Variants in NPHP4 observed in about 807,000 individuals in gnomAD.
NPHP4 encodes the protein nephrocystin-4.
A neutral mutation model predicts 155.8 loss-of-function variants in NPHP4; 151 were observed. The ratio of observed to expected loss-of-function variants is 0.97; its 90% confidence interval spans 0.85 to 1.11. NPHP4 has a LOEUF of 1.11. Ranked by LOEUF, NPHP4 falls within the 50% of genes least tolerant of loss-of-function variation. The pLI is 0.00. For missense variants in NPHP4, 1,956 were observed against 1,925.7 expected (o/e 1.02, Z -0.29); for synonymous variants, 845 against 816.8 (o/e 1.03, Z -0.59).
rs1039353274 is a variant in NPHP4 at position 5,892,291 on chromosome 1, G to T, written c.2144-1263C>A. On this transcript the variant is annotated intron_variant, in intron 16 of 29. Transcript: ENST00000378156. This position sits in a 1 kb window ranked among gnomAD's most constrained non-coding sequence, Gnocchi z 4.5. ...CACTGGGGCTTGTCGGACAGTGGGT[G>T]AGAGTTGGGAGGCTGGTCAGAGGAG... Among the ~76,000 whole-genome samples the T allele has an allele frequency of 4.6e-5, 7 of 152,150 alleles. No homozygotes were observed. The highest frequency in any genetic ancestry group is 1.0e-4 in the Non-Finnish European group (7 of 68,014).
chr1:5,978,420 G>T lies in NPHP4; in HGVS notation c.136-7C>A. On this transcript the variant is annotated splice_region_variant and splice_polypyrimidine_tract_variant and intron_variant, in intron 2 of 29. Coordinates refer to ENST00000378156, the MANE Select transcript of NPHP4 (RefSeq NM_015102.5). Reference sequence around the variant, plus strand: ...ACAGTACCTCCAGCACGCCCTAGGAGACAACGGGGAATTGACCCTCAAGAG... The same window carrying T: ...ACAGTACCTCCAGCACGCCCTAGGATACAACGGGGAATTGACCCTCAAGAG... 1 of 1,597,588 alleles carries T rather than the reference G, an allele frequency of 6.3e-7. No homozygotes were observed. Among genetic ancestry groups the T allele is most frequent in the Non-Finnish European group, 8.5e-7 (1 of 1,172,240 alleles).
At chr1:5,948,297 G>T in intron 7 of NPHP4, 46 bp from the exon 8 acceptor site, 1 of 1,446,198 alleles carries the variant, frequency 6.9e-7, no homozygotes, top group Non-Finnish European at 9.2e-7. Flanking sequence ...GACGGAAAGA[G>T]GGAGCTCGCC....
rs930117321 is a variant in NPHP4 at position 5,863,779 on chromosome 1, T to C, written c.4140+111A>G. On this transcript the variant is annotated intron_variant, in intron 29 of 29. Coordinates refer to ENST00000378156, the MANE Select transcript of NPHP4 (RefSeq NM_015102.5). ...TGGTACCTGTCACCGCCCTGGGGCT[T>C]TTGGAAGACTGCTGGTGATTTGAGG... The C allele has an allele frequency of 4.9e-6, 6 of 1,230,622 alleles. No individual in the cohort carries two copies. In the Admixed American group the frequency reaches 7.2e-5, roughly 15 times the overall value. 76.2% of individuals were successfully genotyped at this position (1,230,622 alleles called of 1,614,324 possible). A position where few individuals can be genotyped will look rare whatever the true frequency, so the allele number is the denominator to read the frequency against.
At chr1:5,871,521 G>A (rs1642005845) in intron 23 of NPHP4, among the ~76,000 whole-genome samples, 1 of 152,148 alleles carries the variant, frequency 6.6e-6, no homozygotes, top group Admixed American at 6.5e-5. Flanking sequence ...ACTGCTGATC[G>A]GGAAAGTCCT....
intron 18 of NPHP4, chr1:5,881,530 T>C (rs1643283838): frequency 6.6e-6 from 1 of 152,144 alleles, no homozygotes; most frequent in African/African-American, 2.4e-5. Context: ...ACCAAAGACA[T>C]TGGCGGGACA....
chr1:5,956,655 C>T (rs1186415552), intron 6 of NPHP4, among the ~76,000 whole-genome samples: 4 of 152,128 alleles, frequency 2.6e-5, no homozygotes, highest in African/African-American at 9.7e-5. Context: ...CAGCTGGGCC[C>T]GGTGCTGAGT....
At chr1:5,868,804 GCA>G (rs776405357) in intron 23 of NPHP4, among the ~76,000 whole-genome samples, 11 of 97,368 alleles carry the variant, frequency 1.1e-4, no homozygotes, top group East Asian at 3.1e-4. Flanking sequence ...ACACATACAT[GCA>G]CACACATCCA....
intron 16 of NPHP4, among the ~76,000 whole-genome samples, chr1:5,903,129 A>C (rs1644755099): frequency 6.6e-6 from 1 of 152,232 alleles, no homozygotes; most frequent in Admixed American, 6.5e-5. Flanking sequence ...ACTGTATTTT[A>C]TAATATCCTT....
Position 5,974,980 on chromosome 1 carries a change from G to T in NPHP4, c.279+3290C>A, listed in dbSNP as rs141842592. Among the ~76,000 whole-genome samples, 28 of 152,298 alleles carry T rather than the reference G, an allele frequency of 1.8e-4. No homozygotes were observed. In the East Asian group the frequency reaches 5.0e-3, roughly 27 times the overall value. ...AAGACCAGAAAAACACAGGCAATTAGTAAAGCCAGAGAAAGATCTCTGCCA... is the reference window on the plus strand; with the variant it reads ...AAGACCAGAAAAACACAGGCAATTATTAAAGCCAGAGAAAGATCTCTGCCA... On this transcript the variant is annotated intron_variant, in intron 3 of 29. Coordinates refer to ENST00000378156, the MANE Select transcript of NPHP4 (RefSeq NM_015102.5).
chr1:5,964,941 A>ATATATATATATATATTTTTT, intron 5 of NPHP4, among the ~76,000 whole-genome samples: 1 of 59,420 alleles, frequency 1.7e-5, no homozygotes, highest in Non-Finnish European at 2.9e-5. Context: ...ATATATATAT[A>ATATATATATATATATTTTTT]TTTTTTTTTT....
In NPHP4 at chr1:5,921,655, G is replaced by A. The variant is rs1205047179; in HGVS notation, c.1441+5994C>T. 5.3e-5 allele frequency among the ~76,000 whole-genome samples: 8 copies of A among 152,178 alleles called. No individual in the cohort carries two copies. The East Asian group carries it at 9.6e-4, about 18-fold the overall frequency. ...AATTCCCTCTTCATATGACGACAGC[G>A]TTAGCGATCGCCCAGCAACTGCTGA... On this transcript the variant is annotated intron_variant, in intron 11 of 29. Coordinates refer to ENST00000378156, the MANE Select transcript of NPHP4 (RefSeq NM_015102.5).
At chr1:5,868,091 G>T in intron 23 of NPHP4, 195 bp from the exon 24 acceptor site, 3 of 719,482 alleles carry the variant, frequency 4.2e-6, no homozygotes, top group South Asian at 3.0e-5. Flanking sequence ...GGAGGGGACC[G>T]CTAAGCAAGG....
intron 13 of NPHP4, among the ~76,000 whole-genome samples, chr1:5,906,827 G>GAGAC (rs568783896): frequency 6.6e-6 from 1 of 152,232 alleles, no homozygotes; most frequent in South Asian, 2.1e-4. Context: ...CTTTCACGTA[G>GAGAC]AGACCTAGGG....
intron 11 of NPHP4, among the ~76,000 whole-genome samples, 190 bp from the exon 12 acceptor site, chr1:5,909,403 G>C (rs1328643760): frequency 1.3e-5 from 2 of 152,194 alleles, no homozygotes; most frequent in Admixed American, 1.3e-4. Flanking sequence ...TGTCTATCTA[G>C]AGCCCTGGCA....
At chr1:5,864,301 C>T (rs1332303510) in intron 28 of NPHP4, 37 bp downstream of exon 28, 2 of 1,551,200 alleles carry the variant, frequency 1.3e-6, no homozygotes, top group Admixed American at 3.7e-5. Context: ...GTATTGAGCC[C>T]CCATCCCCTC....
At chr1:5,911,444 G>GC (rs1443319160) in intron 11 of NPHP4, among the ~76,000 whole-genome samples, 2 of 152,242 alleles carry the variant, frequency 1.3e-5, no homozygotes, top group African/African-American at 4.8e-5. Context: ...TCGGGGGCCA[G>GC]CCCTCCGTGC....
chr1:5,874,829 A>G (rs1642403568), intron 21 of NPHP4, 45 bp downstream of exon 21: 3 of 1,583,798 alleles, frequency 1.9e-6, no homozygotes, highest in African/African-American at 1.3e-5. Context: ...GCTGCACCCG[A>G]CACAGATCTG....
intron 3 of NPHP4, among the ~76,000 whole-genome samples, chr1:5,970,771 A>G (rs553472878): frequency 6.6e-6 from 1 of 152,310 alleles, no homozygotes; most frequent in South Asian, 2.1e-4. Flanking sequence ...ACGAGTCATT[A>G]CCATGGTGTC....
At chr1:5,937,118 C>T (rs1299325734) in intron 9 of NPHP4, among the ~76,000 whole-genome samples, 1 of 152,220 alleles carries the variant, frequency 6.6e-6, no homozygotes, top group African/African-American at 2.4e-5. Flanking sequence ...CTCAGTCCTG[C>T]CACACCTGGG....
Sources: allele counts gnomAD v4.1 joint callset (sites outside exome capture counted in the v4.1 genomes callset), GRCh38; gene constraint gnomAD v4.1.1; non-coding constraint Gnocchi (gnomAD v3.1); transcripts MANE v1.5; gene names NCBI Gene and HGNC (gene_info 2026-07-23, HGNC 2026-07-21).